Variants in UBE2E1 observed in about 807,000 individuals in gnomAD.
The protein encoded by UBE2E1 is ubiquitin conjugating enzyme E2 E1.
A neutral mutation model predicts 21.4 loss-of-function variants in UBE2E1; 6 were observed. The observed-to-expected ratio is 0.28, with a 90% CI of 0.15 to 0.55. UBE2E1 has a LOEUF of 0.55. UBE2E1 is among the 20% of genes least tolerant of loss of function. The pLI is 0.93. For missense variants in UBE2E1, 142 were observed against 236.5 expected, an observed-to-expected ratio of 0.60 and a Z score of 2.62; for synonymous variants, 87 against 82.7, an observed-to-expected ratio of 1.05 and a Z score of -0.28.
intron 3 of UBE2E1, among the ~76,000 whole-genome samples, chr3:23,832,015 T>C (rs1052402388): frequency 6.6e-6 from 1 of 152,228 alleles, no homozygotes; most frequent in Non-Finnish European, 1.5e-5. Flanking sequence ...CAAATACTTT[T>C]TTCTAAAGGA....
At position 23,810,542 on chromosome 3, in the gene UBE2E1, G is replaced by A; in HGVS notation, c.153-918G>A. 1 of 1,533,650 alleles carries A rather than the reference G, an allele frequency of 6.5e-7. No individual in the cohort carries two copies. Among genetic ancestry groups the A allele is most frequent in the Non-Finnish European group, 8.7e-7 (1 of 1,145,496 alleles). ...GGGGAAAAGCAGGTCCGGGGAGGTG[G>A]GCCGAGAGTCCCGGCCAGCGTGCGG... is the stretch of plus-strand genomic sequence containing the variant. On this transcript the variant is annotated intron_variant, in intron 2 of 5. Coordinates refer to ENST00000306627, the MANE Select transcript of UBE2E1 (RefSeq NM_003341.5). The surrounding 1 kb of genome is among the most constrained non-coding windows in gnomAD (Gnocchi z 5.8).
At chr3:23,874,036 C>T (rs1700861903) in intron 3 of UBE2E1, among the ~76,000 whole-genome samples, 1 of 152,222 alleles carries the variant, frequency 6.6e-6, no homozygotes, top group Non-Finnish European at 1.5e-5. Flanking sequence ...GAACTCTGTA[C>T]TTGTGTCACT....
rs869279485 is a variant in UBE2E1 at position 23,842,248 on chromosome 3, TG to T, written c.203+30740del. 6.2e-5 allele frequency among the ~76,000 whole-genome samples: 7 copies of T among 112,064 alleles called. No individual in the cohort carries two copies. The highest frequency in any genetic ancestry group is 6.1e-4 in the South Asian group (2 of 3,298). 73.5% of individuals were successfully genotyped at this position (112,064 alleles called of 152,430 possible). A position where few individuals can be genotyped will look rare whatever the true frequency, so the allele number is the denominator to read the frequency against. On this transcript the variant is annotated intron_variant, in intron 3 of 5. Coordinates refer to ENST00000306627, the MANE Select transcript of UBE2E1 (RefSeq NM_003341.5). The surrounding 1 kb of genome is among the most constrained non-coding windows in gnomAD (Gnocchi z 4.6). ...GTGTGTGTGTGTGTGTGTGTGTGTGTGGTGTTGTTGTTGTTGGCGACAGGGT... is the reference window on the plus strand; with the variant it reads ...GTGTGTGTGTGTGTGTGTGTGTGTGTGTGTTGTTGTTGTTGGCGACAGGGT...
Position 23,876,766 on chromosome 3 carries a change from T to G in UBE2E1, c.204-10801T>G, listed in dbSNP as rs909424325. On this transcript the variant is annotated intron_variant, in intron 3 of 5. Transcript: ENST00000306627. The surrounding 1 kb of genome is among the most constrained non-coding windows in gnomAD (Gnocchi z 4.3). ...TTAATGGTAATTTAAATCTAGAAAA[T>G]CAGAACTGTGGCTCACTACTGTAAT... Among the ~76,000 whole-genome samples, 60 of 152,136 alleles carry G rather than the reference T, an allele frequency of 3.9e-4. No homozygotes were observed. The highest frequency in any genetic ancestry group is 1.4e-3 in the African/African-American group (58 of 41,486).
In UBE2E1 at chr3:23,810,208, T is replaced by C. The variant is rs1347667669; in HGVS notation, c.153-1252T>C. Among the ~76,000 whole-genome samples, 1 of 152,146 alleles carries C rather than the reference T, an allele frequency of 6.6e-6. No homozygotes were observed. Among genetic ancestry groups the C allele is most frequent in the African/African-American group, 2.4e-5 (1 of 41,430 alleles). On this transcript the variant is annotated intron_variant, in intron 2 of 5. Transcript: ENST00000306627. This position sits in a 1 kb window ranked among gnomAD's most constrained non-coding sequence, Gnocchi z 5.8. ...ATTTTTAAGTTGTAACATAGCCCCA[T>C]TGGGCTTTATATGATAGGAGGAGGA...
At chr3:23,833,970 C>T (rs1699922183) in intron 3 of UBE2E1, among the ~76,000 whole-genome samples, 1 of 151,562 alleles carries the variant, frequency 6.6e-6, no homozygotes, top group Non-Finnish European at 1.5e-5. Context: ...TGCACTCCAG[C>T]CCTGTCTCAA....
At chr3:23,826,242 A>G (rs1409769311) in intron 3 of UBE2E1, among the ~76,000 whole-genome samples, 1 of 152,232 alleles carries the variant, frequency 6.6e-6, no homozygotes, top group Admixed American at 6.5e-5. Flanking sequence ...CATGTTACCA[A>G]AAATTGGTGC....
chr3:23,818,506 T>A (rs6778155), intron 3 of UBE2E1, among the ~76,000 whole-genome samples: 104,107 of 152,080 alleles, frequency 0.68, 35,943 homozygotes, highest in African/African-American at 0.72. Flanking sequence ...CTACAGGAGA[T>A]GTTAAAAGAA....
At chr3:23,868,336 G>A (rs1417292213) in intron 3 of UBE2E1, among the ~76,000 whole-genome samples, 1 of 151,922 alleles carries the variant, frequency 6.6e-6, no homozygotes, top group Admixed American at 6.6e-5. Flanking sequence ...TTTAGATGGA[G>A]TCTCCCTCTG....
At chr3:23,848,321 T>A (rs540889022) in intron 3 of UBE2E1, among the ~76,000 whole-genome samples, 1 of 152,118 alleles carries the variant, frequency 6.6e-6, no homozygotes, top group East Asian at 1.9e-4. Flanking sequence ...ATACAAAAAT[T>A]AGCTGGGTGT....
intron 3 of UBE2E1, among the ~76,000 whole-genome samples, chr3:23,851,616 T>G (rs995667413): frequency 1.3e-5 from 2 of 151,946 alleles, no homozygotes; most frequent in Non-Finnish European, 2.9e-5. Flanking sequence ...TGAGCCTGAT[T>G]AACAAAGTGA....
At chr3:23,832,693 C>T (rs1430544925) in intron 3 of UBE2E1, among the ~76,000 whole-genome samples, 2 of 152,078 alleles carry the variant, frequency 1.3e-5, no homozygotes, top group African/African-American at 4.8e-5. Flanking sequence ...CAAGATCTTG[C>T]CACTGCGCTC....
chr3:23,862,002 C>T (rs1700568025), intron 3 of UBE2E1, among the ~76,000 whole-genome samples: 2 of 152,242 alleles, frequency 1.3e-5, no homozygotes, highest in Non-Finnish European at 2.9e-5. Flanking sequence ...AAAAGAGCAT[C>T]CTGTAACATA....
intron 3 of UBE2E1, among the ~76,000 whole-genome samples, chr3:23,848,491 A>C (rs1254260348): frequency 6.6e-6 from 1 of 152,052 alleles, no homozygotes; most frequent in East Asian, 1.9e-4. Flanking sequence ...AACAAAAAAC[A>C]AAAAACTTTA....
Position 23,842,196 on chromosome 3 carries a change from GGGGT to G in UBE2E1, c.203+30688_203+30691del, listed in dbSNP as rs1700098790. ...ACTATGTCATGACCCAGTAAGTGAA[GGGGT>G]GTGTGTGTGTGTGTGTGTGTGTGTG... On this transcript the variant is annotated intron_variant, in intron 3 of 5. Transcript: ENST00000306627. The surrounding 1 kb of genome is among the most constrained non-coding windows in gnomAD (Gnocchi z 4.6). 4.5e-5 allele frequency among the ~76,000 whole-genome samples: 2 copies of G among 44,330 alleles called. No homozygotes were observed. The highest frequency in any genetic ancestry group is 6.6e-5 in the African/African-American group (1 of 15,170). 29.1% of individuals were successfully genotyped at this position (44,330 alleles called of 152,430 possible).
intron 5 of UBE2E1, chr3:23,889,765 C>G (rs147022074): frequency 0.011 from 11,255 of 985,140 alleles, 76 homozygotes; most frequent in Non-Finnish European, 0.013. Flanking sequence ...AAATATTTTT[C>G]TGTAGTCACA....
Position 23,887,196 on chromosome 3 carries a change from G to A in UBE2E1, c.204-371G>A, listed in dbSNP as rs991390419. On this transcript the variant is annotated intron_variant, in intron 3 of 5. Coordinates refer to ENST00000306627, the MANE Select transcript of UBE2E1 (RefSeq NM_003341.5). This position sits in a 1 kb window ranked among gnomAD's most constrained non-coding sequence, Gnocchi z 4.4. Reference sequence around the variant, plus strand: ...TGTGCTTAAAATGGTCATAAGTGATGTAGCTGTGAGCAAAAACTGCTCGCA... The same window carrying A: ...TGTGCTTAAAATGGTCATAAGTGATATAGCTGTGAGCAAAAACTGCTCGCA... 2.0e-5 allele frequency among the ~76,000 whole-genome samples: 3 copies of A among 152,200 alleles called. No homozygotes were observed. The highest frequency in any genetic ancestry group is 6.5e-5 in the Admixed American group (1 of 15,274).
At chr3:23,809,152 A>G (rs928817625) in intron 2 of UBE2E1, among the ~76,000 whole-genome samples, 6 of 152,240 alleles carry the variant, frequency 3.9e-5, no homozygotes, top group Non-Finnish European at 8.8e-5. Flanking sequence ...CTATAAATTA[A>G]CATCAGGGCT....
In UBE2E1 at chr3:23,879,794, A is replaced by C. The variant is rs72627047; in HGVS notation, c.204-7773A>C. Among the ~76,000 whole-genome samples, 1,198 of 152,298 alleles carry C rather than the reference A, an allele frequency of 7.9e-3. 21 individuals carry two copies. Among genetic ancestry groups the C allele is most frequent in the South Asian group, 0.046 (221 of 4,830 alleles). Reference sequence around the variant, plus strand: ...TATCTTCCTATCTTCCCAGCCTCTCATCCTTTCACTTTTTTTCTAGGGTAT... The same window carrying C: ...TATCTTCCTATCTTCCCAGCCTCTCCTCCTTTCACTTTTTTTCTAGGGTAT... On this transcript the variant is annotated intron_variant, in intron 3 of 5. Transcript: ENST00000306627.
Sources: gnomAD v4.1 joint callset for allele counts (sites outside exome capture counted in the v4.1 genomes callset) on GRCh38, gnomAD v4.1.1 for gene constraint, Gnocchi (gnomAD v3.1) non-coding constraint, MANE v1.5 for transcripts, NCBI Gene and HGNC (gene_info 2026-07-23, HGNC 2026-07-21) for gene names.